The following KIF1A variants were observed in gnomAD, a reference collection of about 807,000 sequenced individuals.
The protein encoded by KIF1A is kinesin-like protein KIF1A.
A neutral mutation model predicts 227.3 loss-of-function variants in KIF1A; 46 were observed. That is an observed-to-expected ratio of 0.20 (90% CI 0.16 to 0.26). The LOEUF is 0.26. KIF1A is among the 10% of genes least tolerant of loss of function. The pLI is 1.00. For synonymous variants in KIF1A, 1,022 were observed against 1,012.8 expected (o/e 1.01, Z -0.17); for missense variants, 1,683 against 2,485.9 (o/e 0.68, Z 6.87).
intron 28 of KIF1A, among the ~76,000 whole-genome samples, chr2:240,747,524 C>G (rs2048752237): frequency 6.6e-6 from 1 of 152,202 alleles, no homozygotes; most frequent in South Asian, 2.1e-4. Context: ...TGCCCAGGGG[C>G]CCCAAAGCAG....
At position 240,788,143 on chromosome 2, in the gene KIF1A, C is replaced by T; in HGVS notation, c.271G>A (p.Val91Met). ...MLQHAFEGYN[V>M]CIFAYGQTGA... The stretch of plus-strand genomic sequence containing the variant: ...GTCTGCCCATAGGCGAAGATGCACA[C>T]GTTGTATCCCTCAAAGGCATGCTGC... Residue 91 changes from valine (V) to methionine (M), a missense_variant, in exon 4 of 49, where the codon GTG becomes ATG. Physicochemically the swap from Val to Met is conservative, Grantham distance 21. This residue lies in a region of KIF1A where 71 missense variants were observed against 129.1 expected (regional missense o/e 0.55). Transcript: ENST00000498729. This position sits in a 1 kb window ranked among gnomAD's most constrained non-coding sequence, Gnocchi z 6.6. 1.2e-6 allele frequency: 2 copies of T among 1,613,284 alleles called. No homozygotes were observed. The highest frequency in any genetic ancestry group is 1.7e-6 in the Non-Finnish European group (2 of 1,179,666).
rs781605913 is a variant in KIF1A at position 240,771,031 on chromosome 2, G to A, written c.1281C>T (p.Ser427=). The change falls in exon 15 of 49, where the codon TCC becomes TCT. Residue 427 remains serine, a synonymous_variant. Coordinates refer to ENST00000498729, the MANE Select transcript of KIF1A (RefSeq NM_001244008.2). Reference sequence around the variant, plus strand: ...CAAACAAGATGCGCTCGTGGAGGCTGGACACGGAGGCCGCGCGGCTGGACA... The same window carrying A: ...CAAACAAGATGCGCTCGTGGAGGCTAGACACGGAGGCCGCGCGGCTGGACA... ...SALSSRAASV[S]SLHERILFAP... is the part of the protein sequence containing the mutation. The A allele has an allele frequency of 1.2e-6, 2 of 1,613,272 alleles. No individual in the cohort carries two copies. Among genetic ancestry groups the A allele is most frequent in the East Asian group, 2.2e-5 (1 of 44,874 alleles).
chr2:240,786,635 C>T lies in KIF1A; in HGVS notation c.430-122G>A, dbSNP rs112805668. ...GGACCCCTGAGTGAGGAGATGGGGG[C>T]CGCCATCAGGACCCCTGAGTGAGGG... On this transcript the variant is annotated intron_variant, in intron 5 of 48. Coordinates refer to ENST00000498729, the MANE Select transcript of KIF1A (RefSeq NM_001244008.2). 8 of 870,362 alleles carry T rather than the reference C, an allele frequency of 9.2e-6. No individual in the cohort carries two copies. In the South Asian group the frequency reaches 1.1e-4, roughly 12 times the overall value. The allele number at this position is 870,362 out of a possible 1,614,324, so 53.9% of individuals were successfully genotyped here.
In KIF1A at chr2:240,789,208, C is replaced by T; in HGVS notation, c.183+28G>A. 1 of 1,595,372 alleles carries T rather than the reference C, an allele frequency of 6.3e-7. No individual in the cohort carries two copies. Among genetic ancestry groups the T allele is most frequent in the South Asian group, 1.1e-5 (1 of 90,726 alleles). ...CATGGCCTATGCACTGCTGCCCCCGCCTCCCCCGACCCGGGGTCCCGGCTT... is the reference window on the plus strand; with the variant it reads ...CATGGCCTATGCACTGCTGCCCCCGTCTCCCCCGACCCGGGGTCCCGGCTT... On this transcript the variant is annotated intron_variant, in intron 3 of 48. Transcript: ENST00000498729. This position sits in a 1 kb window ranked among gnomAD's most constrained non-coding sequence, Gnocchi z 4.8.
At chr2:240,817,259 G>A (rs1234041223) in intron 1 of KIF1A, among the ~76,000 whole-genome samples, 1 of 152,212 alleles carries the variant, frequency 6.6e-6, no homozygotes, top group Non-Finnish European at 1.5e-5. Context: ...GGCAGGGTGT[G>A]GCCCAGCCCC....
chr2:240,717,337 T>A lies in KIF1A; in HGVS notation c.*27A>T. 6.2e-7 allele frequency: 1 copy of A among 1,606,462 alleles called. No homozygotes were observed. The highest frequency in any genetic ancestry group is 8.5e-7 in the Non-Finnish European group (1 of 1,176,074). On this transcript the variant is annotated 3_prime_UTR_variant, in exon 49 of 49. Transcript: ENST00000498729. ...GATGAGGGAGGGGATGGGCTGGGCC[T>A]GCCGGCTGTCACGGGAGGGCTCAGG...
chr2:240,761,019 C>T (rs1014258402), intron 24 of KIF1A, among the ~76,000 whole-genome samples, 176 bp from the exon 25 acceptor site: 29 of 152,302 alleles, frequency 1.9e-4, no homozygotes, highest in African/African-American at 6.3e-4. Flanking sequence ...CCCACCCGGC[C>T]GCCGTCTCCC....
intron 1 of KIF1A, among the ~76,000 whole-genome samples, chr2:240,805,105 GA>G (rs2057299343): frequency 3.0e-5 from 2 of 67,236 alleles, no homozygotes; most frequent in African/African-American, 6.5e-5. Context: ...AGGGAGAGGG[GA>G]GGGAGGGAGA....
chr2:240,762,318 C>T (rs1002695573), intron 23 of KIF1A, among the ~76,000 whole-genome samples: 23 of 152,200 alleles, frequency 1.5e-4, no homozygotes, highest in African/African-American at 5.3e-4. Flanking sequence ...GACTCTTCCT[C>T]GGGGGCCCCA....
intron 28 of KIF1A, 116 bp from the exon 29 acceptor site, chr2:240,747,437 C>T (rs1292881728): frequency 1.4e-6 from 1 of 707,578 alleles, no homozygotes; most frequent in Non-Finnish European, 2.4e-6. Context: ...CCAGAGCAGG[C>T]AGCAGACCCC....
intron 37 of KIF1A, chr2:240,737,555 GAGGGAGGGAGGGAGGGAGGA>G (rs1382287406): frequency 6.6e-6 from 1 of 152,016 alleles, no homozygotes. Context: ...CAAGGAAAGG[GAGGGAGGGAGGGAGGGAGGA>G]AGGGAGGGAG....
At chr2:240,812,012 C>A (rs777483932) in intron 1 of KIF1A, among the ~76,000 whole-genome samples, 7 of 152,094 alleles carry the variant, frequency 4.6e-5, no homozygotes, top group Admixed American at 3.3e-4. Context: ...AAAGGGAGAC[C>A]ATGAGCCCTG....
Position 240,775,384 on chromosome 2 carries a change from T to C in KIF1A, c.958+467A>G, listed in dbSNP as rs1242937484. Among the ~76,000 whole-genome samples the C allele has an allele frequency of 6.6e-6, 1 of 152,174 alleles. No individual in the cohort carries two copies. Among genetic ancestry groups the C allele is most frequent in the African/African-American group, 2.4e-5 (1 of 41,426 alleles). Reference sequence around the variant, plus strand: ...TATTCCGGGATGGACGGGATCAGCGTCGGGTGCATTTCAATTCCCACCTCC... The same window carrying C: ...TATTCCGGGATGGACGGGATCAGCGCCGGGTGCATTTCAATTCCCACCTCC... On this transcript the variant is annotated intron_variant, in intron 11 of 48. Coordinates refer to ENST00000498729, the MANE Select transcript of KIF1A (RefSeq NM_001244008.2). This position sits in a 1 kb window ranked among gnomAD's most constrained non-coding sequence, Gnocchi z 5.5.
rs2044617773 is a variant in KIF1A at position 240,716,582 on chromosome 2, C to T, written c.*782G>A. The T allele has an allele frequency of 6.6e-6, 1 of 152,314 alleles. No homozygotes were observed. The allele number at this position is 152,314 out of a possible 1,614,324, so 9.4% of individuals were successfully genotyped here. A position where few individuals can be genotyped will look rare whatever the true frequency, so the allele number is the denominator to read the frequency against. On this transcript the variant is annotated 3_prime_UTR_variant, in exon 49 of 49. Coordinates refer to ENST00000498729, the MANE Select transcript of KIF1A (RefSeq NM_001244008.2). ...GCCGAGTGTCACCCCTCACCCTTTC[C>T]TGGGGAAAGCTGCCGGAACTCTTCT...
In KIF1A at chr2:240,778,472, C is replaced by CA. The variant is rs937217611; in HGVS notation, c.883-2547dup. On this transcript the variant is annotated intron_variant, in intron 10 of 48. Coordinates refer to ENST00000498729, the MANE Select transcript of KIF1A (RefSeq NM_001244008.2). This position sits in a 1 kb window ranked among gnomAD's most constrained non-coding sequence, Gnocchi z 7.2. ...AGGCCTCACACGATCCTCCATTTCT[C>CA]AGAGCTCTCAGCAGGCGCTCGCAGC... Among the ~76,000 whole-genome samples, 3 of 150,740 alleles carry CA rather than the reference C, an allele frequency of 2.0e-5. No homozygotes were observed. Among genetic ancestry groups the CA allele is most frequent in the Non-Finnish European group, 4.4e-5 (3 of 67,808 alleles).
intron 27 of KIF1A, among the ~76,000 whole-genome samples, chr2:240,753,146 G>C (rs1447821286): frequency 6.6e-6 from 1 of 152,200 alleles, no homozygotes; most frequent in Non-Finnish European, 1.5e-5. Flanking sequence ...CCAGAGGGAG[G>C]AGACTTCTGC....
At chr2:240,785,349 A>C (rs1346813806) in intron 6 of KIF1A, among the ~76,000 whole-genome samples, 1 of 152,218 alleles carries the variant, frequency 6.6e-6, no homozygotes, top group African/African-American at 2.4e-5. Flanking sequence ...GTGACTGCGA[A>C]AGCTTCCCAC....
chr2:240,767,692 G>A (rs995890338), intron 17 of KIF1A, among the ~76,000 whole-genome samples: 2 of 152,256 alleles, frequency 1.3e-5, no homozygotes, highest in Admixed American at 1.3e-4. Flanking sequence ...CTGAGGCTGG[G>A]GTGAGCCCCC....
Position 240,792,278 on chromosome 2 carries a change from C to A in KIF1A, c.107-2966G>T, listed in dbSNP as rs2055812826. Among the ~76,000 whole-genome samples, 2 of 152,048 alleles carry A rather than the reference C, an allele frequency of 1.3e-5. No individual in the cohort carries two copies. The highest frequency in any genetic ancestry group is 4.1e-4 in the South Asian group (2 of 4,824). Reference sequence around the variant, plus strand: ...GAGAAAGGGCTTTTTTTGCCAGGGTCTGGAATTTTTTCCTTGTGCAGGTTT... The same window carrying A: ...GAGAAAGGGCTTTTTTTGCCAGGGTATGGAATTTTTTCCTTGTGCAGGTTT... On this transcript the variant is annotated intron_variant, in intron 2 of 48. Coordinates refer to ENST00000498729, the MANE Select transcript of KIF1A (RefSeq NM_001244008.2). This position sits in a 1 kb window ranked among gnomAD's most constrained non-coding sequence, Gnocchi z 4.5.
Sources: gnomAD v4.1 joint callset for allele counts (sites outside exome capture counted in the v4.1 genomes callset) on GRCh38, gnomAD v4.1.1 for gene constraint, gnomAD v4.1.1 regional missense constraint, Gnocchi (gnomAD v3.1) non-coding constraint, MANE v1.5 for transcripts, NCBI Gene and HGNC (gene_info 2026-07-23, HGNC 2026-07-21) for gene names.